The following EIPR1 variants were observed in gnomAD, a reference collection of about 807,000 sequenced individuals.
EIPR1 encodes EARP complex and GARP complex interacting protein 1, also known as EARP and GARP complex-interacting protein 1.
In EIPR1, 25 loss-of-function variants were observed where a neutral mutation model predicts 48.1. The ratio of observed to expected loss-of-function variants is 0.52; its 90% CI spans 0.38 to 0.73. EIPR1 has a LOEUF of 0.73. Ranked by LOEUF, EIPR1 falls within the 30% of genes least tolerant of loss-of-function variation. The pLI, the probability that EIPR1 is intolerant of heterozygous loss-of-function variation, is 0.00. For missense variants in EIPR1, 415 were observed against 506.2 expected (o/e 0.82, Z 1.73); for synonymous variants, 204 against 201.9 (o/e 1.01, Z -0.09).
intron 5 of EIPR1, among the ~76,000 whole-genome samples, chr2:3,204,756 A>G (rs1032791404): frequency 2.6e-5 from 4 of 152,224 alleles, no homozygotes; most frequent in African/African-American, 7.2e-5. Flanking sequence ...ATTTCCTGCC[A>G]TCAAGAGCCA....
In EIPR1 at chr2:3,288,105, G is replaced by C. The variant is rs200379279; in HGVS notation, c.260-30650C>G. Among the ~76,000 whole-genome samples the C allele has an allele frequency of 1.5e-4, 23 of 152,342 alleles. No individual in the cohort carries two copies. The East Asian group carries it at 4.1e-3, about 27-fold the overall frequency. On this transcript the variant is annotated intron_variant, in intron 3 of 8. Coordinates refer to ENST00000382125, the MANE Select transcript of EIPR1 (RefSeq NM_003310.5). ...GACGGGGTGGCATCCTGATGCGGTG[G>C]CGTCATGGCAGATGAGAGCAGCGGG...
chr2:3,330,872 G>T (rs1212221524), intron 3 of EIPR1, among the ~76,000 whole-genome samples: 1 of 149,866 alleles, frequency 6.7e-6, no homozygotes, highest in Admixed American at 6.6e-5. Flanking sequence ...TCATGAGACG[G>T]TGTAAGCAGA....
chr2:3,192,199 C>A (rs1434773891), intron 8 of EIPR1, among the ~76,000 whole-genome samples: 1 of 152,196 alleles, frequency 6.6e-6, no homozygotes, highest in Non-Finnish European at 1.5e-5. Flanking sequence ...ATTTTAAAAC[C>A]GCACCTAACC....
In EIPR1 at chr2:3,356,154, G is replaced by A. The variant is rs945921556; in HGVS notation, c.43-1521C>T. On this transcript the variant is annotated intron_variant, in intron 1 of 8. Transcript: ENST00000382125. ...CGGCCCTTCAGAGTTAAGGCCAGAT[G>A]GCCGGGGTTTTATACCACCCAACCC... 5.9e-5 allele frequency among the ~76,000 whole-genome samples: 9 copies of A among 152,362 alleles called. No individual in the cohort carries two copies. In the East Asian group the frequency reaches 1.7e-3, roughly 29 times the overall value.
chr2:3,239,665 CG>C (rs1666531106), intron 4 of EIPR1, among the ~76,000 whole-genome samples: 1 of 152,206 alleles, frequency 6.6e-6, no homozygotes, highest in East Asian at 1.9e-4. Context: ...GCCCTCAGCA[CG>C]GTGCAGACCC....
intron 3 of EIPR1, among the ~76,000 whole-genome samples, chr2:3,335,512 C>G (rs115215507): frequency 6.6e-6 from 1 of 152,040 alleles, no homozygotes; most frequent in East Asian, 1.9e-4. Context: ...AGAGGGCAAA[C>G]GGGGAAGAGT....
chr2:3,323,176 A>C (rs566831048), intron 3 of EIPR1, among the ~76,000 whole-genome samples: 78 of 152,182 alleles, frequency 5.1e-4, no homozygotes, highest in African/African-American at 1.8e-3. Context: ...ATAAAATTTC[A>C]TTCCATATTT....
intron 3 of EIPR1, among the ~76,000 whole-genome samples, chr2:3,283,913 T>C (rs1572394651): frequency 7.7e-6 from 1 of 130,062 alleles, no homozygotes; most frequent in Non-Finnish European, 1.5e-5. Flanking sequence ...GCCATTGCAC[T>C]CCAGCCTGGG....
chr2:3,250,804 G>GCTT (rs1666980141), intron 4 of EIPR1, among the ~76,000 whole-genome samples: 1 of 152,172 alleles, frequency 6.6e-6, no homozygotes, highest in African/African-American at 2.4e-5. Context: ...TCTGGCAGCT[G>GCTT]CTTCTTTCTC....
At chr2:3,351,984 C>G (rs1281776271) in intron 2 of EIPR1, among the ~76,000 whole-genome samples, 1 of 148,594 alleles carries the variant, frequency 6.7e-6, no homozygotes, top group African/African-American at 2.5e-5. Flanking sequence ...ATCAGCATAT[C>G]CATGCTACAG....
chr2:3,339,626 G>A (rs1201318554), intron 2 of EIPR1, among the ~76,000 whole-genome samples: 2 of 152,200 alleles, frequency 1.3e-5, no homozygotes, highest in Non-Finnish European at 1.5e-5. Flanking sequence ...TCACGACAGT[G>A]AATTCTCCTG....
intron 4 of EIPR1, among the ~76,000 whole-genome samples, chr2:3,254,367 C>T (rs927536435): frequency 2.0e-5 from 3 of 152,188 alleles, no homozygotes; most frequent in African/African-American, 7.2e-5. Flanking sequence ...ATACAAAAAC[C>T]TGTTCATTAA....
At position 3,346,562 on chromosome 2, in the gene EIPR1, G is replaced by A. The variant is rs77077578; in HGVS notation, c.126+7988C>T. Among the ~76,000 whole-genome samples, 3,466 of 152,304 alleles carry A rather than the reference G, an allele frequency of 0.023. 350 individuals are homozygous for A. The East Asian group carries it at 0.32, about 14-fold the overall frequency. ...AATGGTCCTTGGCCTCACAATATGTGTCAGGGATCGCAAGGTGTCAAGGAA... is the reference window on the plus strand; with the variant it reads ...AATGGTCCTTGGCCTCACAATATGTATCAGGGATCGCAAGGTGTCAAGGAA... On this transcript the variant is annotated intron_variant, in intron 2 of 8. Coordinates refer to ENST00000382125, the MANE Select transcript of EIPR1 (RefSeq NM_003310.5).
At chr2:3,353,716 GATGT>G (rs1159464880) in intron 2 of EIPR1, among the ~76,000 whole-genome samples, 1 of 152,148 alleles carries the variant, frequency 6.6e-6, no homozygotes, top group Non-Finnish European at 1.5e-5. Flanking sequence ...AAGCTCTAAG[GATGT>G]ATCACTGAAC....
chr2:3,274,381 G>C, intron 3 of EIPR1: 1 of 1,550,452 alleles, frequency 6.4e-7, no homozygotes, highest in African/African-American at 1.4e-5. Context: ...GACTTCCCAA[G>C]AGCACCAAAG....
At chr2:3,349,668 G>GGAGATGGGGACAGGGAGGACGCTGT (rs1558314323) in intron 2 of EIPR1, among the ~76,000 whole-genome samples, 7 of 150,608 alleles carry the variant, frequency 4.6e-5, no homozygotes, top group African/African-American at 1.7e-4. Flanking sequence ...GAGCATGCTG[G>GGAGATGGGGACAGGGAGGACGCTGT]GAGATGGGGA....
chr2:3,351,214 T>C (rs1372462629), intron 2 of EIPR1, among the ~76,000 whole-genome samples: 5 of 152,216 alleles, frequency 3.3e-5, no homozygotes, highest in African/African-American at 1.2e-4. Context: ...TTGGCCAGGC[T>C]GGTCTTGAAC....
chr2:3,373,981 C>G (rs1659785213), intron 1 of EIPR1, among the ~76,000 whole-genome samples: 1 of 148,292 alleles, frequency 6.7e-6, no homozygotes, highest in South Asian at 2.2e-4. Flanking sequence ...TCAAACTATA[C>G]TACAAGGCTA....
intron 4 of EIPR1, among the ~76,000 whole-genome samples, chr2:3,228,056 A>C (rs1382642393): frequency 6.6e-6 from 1 of 152,264 alleles, no homozygotes; most frequent in Non-Finnish European, 1.5e-5. Context: ...GGCACAGCCT[A>C]GTGAAGCTGT....
Sources: gnomAD v4.1 joint callset for allele counts (sites outside exome capture counted in the v4.1 genomes callset) on GRCh38, gnomAD v4.1.1 for gene constraint, MANE v1.5 for transcripts, NCBI Gene and HGNC (gene_info 2026-07-23, HGNC 2026-07-21) for gene names.